THEM6: variants seen among roughly 807,000 people sequenced by gnomAD.
The protein encoded by THEM6 is thioesterase superfamily member 6, also known as protein THEM6.
In THEM6, 10 loss-of-function variants were observed where a neutral mutation model predicts 13.7. The ratio of observed to expected loss-of-function variants is 0.73; its 90% CI spans 0.45 to 1.24. THEM6 has a LOEUF of 1.24. Among genes scored for constraint, THEM6 ranks in the 50% most tolerant of loss-of-function variants. The pLI is 0.00. For missense variants in THEM6, 317 were observed against 312.6 expected (o/e 1.01, Z -0.11); for synonymous variants, 161 against 156.0 (o/e 1.03, Z -0.24).
intron 1 of THEM6, among the ~76,000 whole-genome samples, chr8:142,733,139 C>G (rs966085206): frequency 1.3e-5 from 2 of 152,110 alleles, no homozygotes; most frequent in Admixed American, 1.3e-4. Context: ...TAGCAACGTA[C>G]AACTTTTTAA....
At chr8:142,732,243 C>G (rs1815666098) in intron 1 of THEM6, among the ~76,000 whole-genome samples, 1 of 132,922 alleles carries the variant, frequency 7.5e-6, no homozygotes, top group Non-Finnish European at 1.6e-5. Context: ...GTTCAACCCC[C>G]TGAAATTAAT....
At chr8:142,732,204 A>ATATATATATATATG (rs1382315215) in intron 1 of THEM6, among the ~76,000 whole-genome samples, 27 of 102,670 alleles carry the variant, frequency 2.6e-4, no homozygotes, top group African/African-American at 1.0e-3. Flanking sequence ...ATATATATAT[A>ATATATATATATATG]TATTTTAACT....
At chr8:142,730,735 C>G (rs1422041998) in intron 1 of THEM6, among the ~76,000 whole-genome samples, 7 of 151,888 alleles carry the variant, frequency 4.6e-5, no homozygotes, top group African/African-American at 1.7e-4. Flanking sequence ...TAATGTTAAA[C>G]TTAATAAAAT....
intron 1 of THEM6, 67 bp from the exon 2 acceptor site, chr8:142,735,259 T>G: frequency 8.3e-7 from 1 of 1,207,038 alleles, no homozygotes; most frequent in Non-Finnish European, 1.2e-6. Context: ...TGGGGAGCAG[T>G]GTGGGCAGCG....
Position 142,727,392 on chromosome 8 carries a change from T to G in THEM6, c.46T>G (p.Phe16Val), listed in dbSNP as rs782476794. ...GTTGCTGGCCCTGGGGCTCGCTGTC[T>G]TTGCGCTGCTGGACGTCTGGTACCT... Reference protein sequence around the residue: ...VALLALGLAVFALLDVWYLVR... With the variant: ...VALLALGLAVVALLDVWYLVR... Residue 16 changes from phenylalanine (F) to valine (V), a missense_variant, in exon 1 of 2, where the codon TTT (phenylalanine) becomes GTT (valine). Transcript: ENST00000336138. 6.5e-7 allele frequency: 1 copy of G among 1,528,326 alleles called. No individual in the cohort carries two copies. Among genetic ancestry groups the G allele is most frequent in the South Asian group, 1.2e-5 (1 of 83,540 alleles). 94.7% of individuals were successfully genotyped at this position (1,528,326 alleles called of 1,614,324 possible). A position where few individuals can be genotyped will look rare whatever the true frequency, so the allele number is the denominator to read the frequency against.
rs1280628865 is a variant in THEM6 at position 142,727,447 on chromosome 8, C to T, written c.101C>T (p.Ala34Val). The T allele has an allele frequency of 3.9e-6, 6 of 1,557,772 alleles. No individual in the cohort carries two copies. The African/African-American group carries it at 4.2e-5, about 11-fold the overall frequency. ...CGCCTTCCGTGCGCCGTGCTGCGCG[C>T]GCGCCTGCTGCAGCCGCGCGTCCGT... ...LVRLPCAVLR[A>V]RLLQPRVRDL... The change falls in exon 1 of 2, where the codon GCG (alanine) becomes GTG (valine). Residue 34 changes from alanine (A) to valine (V), a missense_variant. Transcript: ENST00000336138.
Position 142,727,264 on chromosome 8 carries a change from C to G in THEM6, c.-83C>G, listed in dbSNP as rs1285326079. On this transcript the variant is annotated 5_prime_UTR_variant, in exon 1 of 2. Coordinates refer to ENST00000336138, the MANE Select transcript of THEM6 (RefSeq NM_016647.3). Reference sequence around the variant, plus strand: ...GCTGCGCTCGTGAGTTCCCAGGAGGCCTGGCGGGCACCGTAACCAGCGCCG... The same window carrying G: ...GCTGCGCTCGTGAGTTCCCAGGAGGGCTGGCGGGCACCGTAACCAGCGCCG... 6.8e-6 allele frequency: 9 copies of G among 1,326,478 alleles called. No homozygotes were observed. The highest frequency in any genetic ancestry group is 1.6e-5 in the African/African-American group (1 of 64,092). 82.2% of individuals were successfully genotyped at this position (1,326,478 alleles called of 1,614,324 possible). A position where few individuals can be genotyped will look rare whatever the true frequency, so the allele number is the denominator to read the frequency against.
At position 142,727,256 on chromosome 8, in the gene THEM6, C is replaced by A; in HGVS notation, c.-91C>A. On this transcript the variant is annotated 5_prime_UTR_variant, in exon 1 of 2. Transcript: ENST00000336138. ...CCGGGCGCGCTGCGCTCGTGAGTTC[C>A]CAGGAGGCCTGGCGGGCACCGTAAC... 7.7e-7 allele frequency: 1 copy of A among 1,298,322 alleles called. No homozygotes were observed. The highest frequency in any genetic ancestry group is 3.1e-5 in the East Asian group (1 of 32,344). 80.4% of individuals were successfully genotyped at this position (1,298,322 alleles called of 1,614,324 possible).
chr8:142,727,910 G>A (rs1815547312), intron 1 of THEM6, 51 bp downstream of exon 1: 1 of 1,371,114 alleles, frequency 7.3e-7, no homozygotes, highest in Non-Finnish European at 9.3e-7. Context: ...TGGGACCTCC[G>A]GGGGCTCCTC....
At chr8:142,729,165 C>T (rs951521945) in intron 1 of THEM6, among the ~76,000 whole-genome samples, 10 of 152,128 alleles carry the variant, frequency 6.6e-5, no homozygotes, top group African/African-American at 2.4e-4. Flanking sequence ...GTTCTCCAGA[C>T]ATCGGGATAT....
intron 1 of THEM6, 170 bp from the exon 2 acceptor site, chr8:142,735,156 G>C (rs1815730072): frequency 1.6e-6 from 1 of 611,640 alleles, no homozygotes; most frequent in East Asian, 2.8e-5. Context: ...TGTCAAGGTG[G>C]GTATGCAGGG....
At chr8:142,731,442 G>A (rs1348446942) in intron 1 of THEM6, among the ~76,000 whole-genome samples, 10 of 151,892 alleles carry the variant, frequency 6.6e-5, no homozygotes, top group African/African-American at 2.2e-4. Context: ...CATTCAGGAG[G>A]CCTAATTACT....
chr8:142,728,182 G>T (rs1045858306), intron 1 of THEM6, among the ~76,000 whole-genome samples: 1 of 152,150 alleles, frequency 6.6e-6, no homozygotes, highest in Non-Finnish European at 1.5e-5. Context: ...ACTCTGTTCT[G>T]TGGCTGGAGT....
At chr8:142,728,932 ATTTTCT>A (rs1815581480) in intron 1 of THEM6, among the ~76,000 whole-genome samples, 1 of 99,154 alleles carries the variant, frequency 1.0e-5, no homozygotes, top group African/African-American at 4.0e-5. Flanking sequence ...CAATATTACT[ATTTTCT>A]TTTTTTTTTT....
intron 1 of THEM6, 122 bp downstream of exon 1, chr8:142,727,981 T>TG: frequency 8.6e-7 from 1 of 1,156,856 alleles, no homozygotes; most frequent in Non-Finnish European, 1.1e-6. Flanking sequence ...CGGATACTGC[T>TG]GGAGTCCTGC....
chr8:142,728,911 T>C (rs1411938346), intron 1 of THEM6, among the ~76,000 whole-genome samples: 2 of 151,980 alleles, frequency 1.3e-5, no homozygotes, highest in Non-Finnish European at 2.9e-5. Flanking sequence ...ATTACTATAT[T>C]TTGCAAGAAT....
At position 142,727,346 on chromosome 8, in the gene THEM6, T is replaced by C; in HGVS notation, c.-1T>C. 1 of 1,509,912 alleles carries C rather than the reference T, an allele frequency of 6.6e-7. No individual in the cohort carries two copies. Among genetic ancestry groups the C allele is most frequent in the Non-Finnish European group, 8.8e-7 (1 of 1,136,278 alleles). The allele number at this position is 1,509,912 out of a possible 1,614,324, so 93.5% of individuals were successfully genotyped here. ...AGGACCCCGCGCCCGCCGCCGCCGC[T>C]ATGCTGGGGCTGCTGGTGGCGTTGC... On this transcript the variant is annotated 5_prime_UTR_variant, in exon 1 of 2. Transcript: ENST00000336138.
rs1463146546 is a variant in THEM6 at position 142,727,748 on chromosome 8, G to A, written c.402G>A (p.Glu134=). The A allele has an allele frequency of 2.1e-6, 3 of 1,450,530 alleles. No individual in the cohort carries two copies. Among genetic ancestry groups the A allele is most frequent in the African/African-American group, 3.0e-5 (2 of 67,432 alleles). The allele number at this position is 1,450,530 out of a possible 1,614,324, so 89.9% of individuals were successfully genotyped here. A position where few individuals can be genotyped will look rare whatever the true frequency, so the allele number is the denominator to read the frequency against. ...LGWDDRAFYL[E]ARFVSLRDGF... ...GGGACGACCGCGCGTTCTACCTGGA[G>A]GCGCGCTTTGTCAGCCTGCGGGACG... Residue 134 remains glutamate, a synonymous_variant, in exon 1 of 2, where the codon GAG becomes GAA. Coordinates refer to ENST00000336138, the MANE Select transcript of THEM6 (RefSeq NM_016647.3).
At position 142,727,587 on chromosome 8, in the gene THEM6, C is replaced by A. The variant is rs2129983644; in HGVS notation, c.241C>A (p.His81Asn). Residue 81 changes from histidine (H) to asparagine (N), a missense_variant, in exon 1 of 2, where the codon CAC becomes AAC. Physicochemically the swap from His to Asn is moderately conservative, Grantham distance 68. Transcript: ENST00000336138. ...CGAGGCCGACTTTGCGCGCGTCGCG[C>A]ACCTGACCCGCTGCGGGGTGCTCGG... The part of the protein sequence containing the change: ...LREADFARVA[H>N]LTRCGVLGAL... 6.6e-7 allele frequency: 1 copy of A among 1,523,786 alleles called. No homozygotes were observed. The highest frequency in any genetic ancestry group is 2.6e-5 in the East Asian group (1 of 38,314). 94.4% of individuals were successfully genotyped at this position (1,523,786 alleles called of 1,614,324 possible). A position where few individuals can be genotyped will look rare whatever the true frequency, so the allele number is the denominator to read the frequency against.
Sources: allele counts gnomAD v4.1 joint callset (sites outside exome capture counted in the v4.1 genomes callset), GRCh38; gene constraint gnomAD v4.1.1; transcripts MANE v1.5; gene names NCBI Gene and HGNC (gene_info 2026-07-23, HGNC 2026-07-21).